Variants in UNC5A observed in about 807,000 individuals in gnomAD.
UNC5A encodes unc-5 netrin receptor A, also known as netrin receptor UNC5A.
A neutral mutation model predicts 87.4 loss-of-function variants in UNC5A; 20 were observed. That is an observed-to-expected ratio of 0.23 (90% CI 0.16 to 0.33). UNC5A has a LOEUF of 0.33. Ranked by LOEUF, UNC5A falls within the 10% of genes least tolerant of loss-of-function variation. The probability of loss-of-function intolerance (pLI) is 1.00; values close to 1 mark genes in which losing one functional copy is unlikely to be tolerated. For synonymous variants in UNC5A, 438 were observed against 482.3 expected, an observed-to-expected ratio of 0.91 and a Z score of 1.20; for missense variants, 844 against 1,133.4, an observed-to-expected ratio of 0.74 and a Z score of 3.67.
intron 1 of UNC5A, among the ~76,000 whole-genome samples, chr5:176,836,668 G>T (rs1166898619): frequency 6.6e-6 from 1 of 152,166 alleles, no homozygotes; most frequent in African/African-American, 2.4e-5. Context: ...AAAGGGCTCG[G>T]AGAAGGGAGC....
At chr5:176,867,507 A>G (rs1174123105) in intron 2 of UNC5A, among the ~76,000 whole-genome samples, 1 of 152,166 alleles carries the variant, frequency 6.6e-6, no homozygotes, top group Non-Finnish European at 1.5e-5. Flanking sequence ...CCGGGTCCCC[A>G]TGGCAAGTCA....
rs115557814 is a variant in UNC5A, at chr5:176,841,230, G to A, written c.71-21394G>A. 3.5e-3 allele frequency among the ~76,000 whole-genome samples: 540 copies of A among 152,352 alleles called. 2 individuals carry two copies. The highest frequency in any genetic ancestry group is 0.012 in the African/African-American group (514 of 41,578). On this transcript the variant is annotated intron_variant, in intron 1 of 14. Transcript: ENST00000329542. This position sits in a 1 kb window ranked among gnomAD's most constrained non-coding sequence, Gnocchi z 4.1. ...TCTAATTTATTTCCTTTGAGCCACA[G>A]AGCTGCTCAGTGACACAGGTGATTG...
chr5:176,840,984 TC>T (rs996678328), intron 1 of UNC5A, among the ~76,000 whole-genome samples: 20 of 152,164 alleles, frequency 1.3e-4, no homozygotes, highest in African/African-American at 4.1e-4. Context: ...GGCAAAGGTT[TC>T]CCCACTGGAA....
At position 176,879,620 on chromosome 5, in the gene UNC5A, G is replaced by A. The variant is rs1758366953; in HGVS notation, c.2364-101G>A. On this transcript the variant is annotated intron_variant, in intron 14 of 14. Coordinates refer to ENST00000329542, the MANE Select transcript of UNC5A (RefSeq NM_133369.3). ...TACTAGTGGCCGGGGCAGTCATTGT[G>A]TTTGGCTTCGGGGAGGCCCTGCCCT... 1.2e-5 allele frequency: 18 copies of A among 1,554,024 alleles called. No individual in the cohort carries two copies. In the South Asian group the frequency reaches 2.0e-4, roughly 17 times the overall value.
At chr5:176,827,024 T>C (rs1343738543) in intron 1 of UNC5A, among the ~76,000 whole-genome samples, 3 of 151,944 alleles carry the variant, frequency 2.0e-5, no homozygotes, top group Admixed American at 2.0e-4. Flanking sequence ...AAACAGCAAC[T>C]TGCTTTCTGT....
rs1216325331 is a variant in UNC5A at position 176,875,211 on chromosome 5, G to A, written c.1378+645G>A. 6.6e-6 allele frequency among the ~76,000 whole-genome samples: 1 copy of A among 152,088 alleles called. No homozygotes were observed. Among genetic ancestry groups the A allele is most frequent in the African/African-American group, 2.4e-5 (1 of 41,404 alleles). ...CGCCCACTCCATGGCTTTAATCGCCGTGTCTGTGCAGATAACTCCCACTCC... is the reference window on the plus strand; with the variant it reads ...CGCCCACTCCATGGCTTTAATCGCCATGTCTGTGCAGATAACTCCCACTCC... On this transcript the variant is annotated intron_variant, in intron 8 of 14. Transcript: ENST00000329542. The surrounding 1 kb of genome is among the most constrained non-coding windows in gnomAD (Gnocchi z 5.2).
chr5:176,862,663 G>T lies in UNC5A; in HGVS notation c.110G>T (p.Gly37Val). The change falls in exon 2 of 15, where the codon GGT becomes GTT. Residue 37 changes from glycine (G) to valine (V), a missense_variant. Transcript: ENST00000329542. ...QSATVANPVP[G>V]ANPDLLPHFL... ...GCCACCGTGGCCAACCCAGTGCCTG[G>T]TGCCAACCCGGACCTGCTTCCCCAC... 6.2e-7 allele frequency: 1 copy of T among 1,613,584 alleles called. No individual in the cohort carries two copies. The highest frequency in any genetic ancestry group is 8.5e-7 in the Non-Finnish European group (1 of 1,179,978).
In UNC5A at chr5:176,862,830, A is replaced by G. The variant is rs1383575012; in HGVS notation, c.277A>G (p.Thr93Ala). 6.2e-7 allele frequency: 1 copy of G among 1,613,116 alleles called. No individual in the cohort carries two copies. Among genetic ancestry groups the G allele is most frequent in the South Asian group, 1.1e-5 (1 of 91,060 alleles). ...GGTGGACCACGTGATCGAGCGCAGC[A>G]CAGACGGGAGCAGTGGTGAGCCGCA... Reference protein sequence around the residue: ...RQVDHVIERSTDGSSGLPTME... With the variant: ...RQVDHVIERSADGSSGLPTME... The change falls in exon 2 of 15, where the codon ACA (threonine) becomes GCA (alanine). Residue 93 changes from threonine to alanine, a missense_variant. Thr to Ala is a moderately conservative substitution (Grantham distance 58). Coordinates refer to ENST00000329542, the MANE Select transcript of UNC5A (RefSeq NM_133369.3).
At chr5:176,823,297 G>C (rs938685914) in intron 1 of UNC5A, among the ~76,000 whole-genome samples, 2 of 152,040 alleles carry the variant, frequency 1.3e-5, no homozygotes, top group African/African-American at 4.8e-5. Flanking sequence ...AGAGCAAGAG[G>C]CTCCGCCCAG....
chr5:176,811,542 C>A (rs1293045101), intron 1 of UNC5A, among the ~76,000 whole-genome samples: 2 of 152,228 alleles, frequency 1.3e-5, no homozygotes, highest in African/African-American at 4.8e-5. Flanking sequence ...TTGGCCCCTG[C>A]ATGCCCCATT....
At chr5:176,857,447 C>G (rs1757694009) in intron 1 of UNC5A, among the ~76,000 whole-genome samples, 1 of 152,120 alleles carries the variant, frequency 6.6e-6, no homozygotes, top group Non-Finnish European at 1.5e-5. Flanking sequence ...CATCTGCTTC[C>G]CCTCCTTTCT....
Position 176,877,208 on chromosome 5 carries a change from C to A in UNC5A, c.1395C>A (p.Ile465=). ...MIPNTGISLL[I]PPDAIPRGKI... is the part of the protein sequence containing the mutation. Reference sequence around the variant, plus strand: ...CCGTTCCAGGAATCAGCCTCCTCATCCCCCCAGATGCCATACCCCGAGGGA... The same window carrying A: ...CCGTTCCAGGAATCAGCCTCCTCATACCCCCAGATGCCATACCCCGAGGGA... The change falls in exon 9 of 15, where the codon ATC becomes ATA. Residue 465 remains isoleucine, a synonymous_variant. Coordinates refer to ENST00000329542, the MANE Select transcript of UNC5A (RefSeq NM_133369.3). 2 of 1,611,844 alleles carry A rather than the reference C, an allele frequency of 1.2e-6. No individual in the cohort carries two copies. The highest frequency in any genetic ancestry group is 1.7e-4 in the Middle Eastern group (1 of 6,056).
chr5:176,817,296 G>A (rs1756611955), intron 1 of UNC5A, among the ~76,000 whole-genome samples: 1 of 151,868 alleles, frequency 6.6e-6, no homozygotes, highest in Non-Finnish European at 1.5e-5. Flanking sequence ...TGGGGGGAAG[G>A]CCGGGGGAAT....
intron 1 of UNC5A, among the ~76,000 whole-genome samples, chr5:176,828,823 G>C (rs1236271330): frequency 5.9e-5 from 9 of 151,908 alleles, no homozygotes; most frequent in Non-Finnish European, 1.3e-4. Flanking sequence ...ATGGGTGGAT[G>C]GGTGGAGGTA....
At chr5:176,816,047 G>A (rs1756578393) in intron 1 of UNC5A, among the ~76,000 whole-genome samples, 1 of 152,236 alleles carries the variant, frequency 6.6e-6, no homozygotes, top group African/African-American at 2.4e-5. Flanking sequence ...TTTGATTGCT[G>A]TGTGATCTTT....
intron 1 of UNC5A, among the ~76,000 whole-genome samples, chr5:176,814,092 C>T (rs897667055): frequency 6.6e-6 from 1 of 152,208 alleles, no homozygotes; most frequent in Non-Finnish European, 1.5e-5. Context: ...GCTCATGTCT[C>T]TCGACTTCTT....
chr5:176,848,432 A>G lies in UNC5A; in HGVS notation c.71-14192A>G, dbSNP rs913639803. Among the ~76,000 whole-genome samples the G allele has an allele frequency of 6.6e-6, 1 of 152,208 alleles. No homozygotes were observed. The highest frequency in any genetic ancestry group is 1.5e-5 in the Non-Finnish European group (1 of 68,032). ...CCCTAGAGCCCATTAAAGGGGCAGG[A>G]AAGATAATGAACAAATGAGGAAAAC... On this transcript the variant is annotated intron_variant, in intron 1 of 14. Coordinates refer to ENST00000329542, the MANE Select transcript of UNC5A (RefSeq NM_133369.3). This position sits in a 1 kb window ranked among gnomAD's most constrained non-coding sequence, Gnocchi z 5.8.
chr5:176,826,151 G>A (rs754851937), intron 1 of UNC5A, among the ~76,000 whole-genome samples: 2 of 152,204 alleles, frequency 1.3e-5, no homozygotes, highest in Non-Finnish European at 2.9e-5. Context: ...TTCCAGAGAC[G>A]CACAGCAGGA....
chr5:176,851,980 G>A (rs144457404), intron 1 of UNC5A, among the ~76,000 whole-genome samples: 131 of 152,306 alleles, frequency 8.6e-4, no homozygotes, highest in African/African-American at 3.1e-3. Context: ...TAGTCATCCC[G>A]TCTCTGAACT....
Sources: allele counts gnomAD v4.1 joint callset (sites outside exome capture counted in the v4.1 genomes callset), GRCh38; gene constraint gnomAD v4.1.1; non-coding constraint Gnocchi (gnomAD v3.1); transcripts MANE v1.5; gene names NCBI Gene and HGNC (gene_info 2026-07-23, HGNC 2026-07-21).